CDH13: variants seen among roughly 807,000 people sequenced by gnomAD.
CDH13 encodes cadherin-13.
Under a neutral mutation model 63.8 loss-of-function variants are expected in CDH13, and 24 were observed. The observed-to-expected ratio is 0.38, with a 90% confidence interval of 0.27 to 0.53. The LOEUF is 0.53. Ranked by LOEUF, CDH13 falls within the 20% of genes least tolerant of loss-of-function variation. The pLI is 0.85. For missense variants in CDH13, 1,049 were observed against 903.1 expected (o/e 1.16, Z -2.07); for synonymous variants, 503 against 355.3 (o/e 1.42, Z -4.67).
At chr16:82,751,480 C>G (rs1280534619) in intron 1 of CDH13, among the ~76,000 whole-genome samples, 8 of 152,066 alleles carry the variant, frequency 5.3e-5, no homozygotes, top group Non-Finnish European at 1.0e-4. Flanking sequence ...ACACACTGAC[C>G]TCCTACTACA....
intron 13 of CDH13, among the ~76,000 whole-genome samples, chr16:83,791,493 C>G (rs1916261112): frequency 6.6e-6 from 1 of 151,516 alleles, no homozygotes; most frequent in Non-Finnish European, 1.5e-5. Context: ...GAGAATCCAT[C>G]TCAAAAAAAT....
intron 2 of CDH13, among the ~76,000 whole-genome samples, chr16:82,979,672 C>T (rs1364982467): frequency 6.6e-6 from 1 of 152,176 alleles, no homozygotes; most frequent in Admixed American, 6.5e-5. Context: ...TCAATTAAAC[C>T]TCTTTCCTTT....
At chr16:82,987,846 C>A (rs1416238205) in intron 2 of CDH13, among the ~76,000 whole-genome samples, 1 of 152,208 alleles carries the variant, frequency 6.6e-6, no homozygotes, top group African/African-American at 2.4e-5. Flanking sequence ...GTTGCCCCAT[C>A]TCTTGCTTTG....
chr16:83,185,434 T>TA (rs1025190013), intron 4 of CDH13, among the ~76,000 whole-genome samples: 1 of 152,086 alleles, frequency 6.6e-6, no homozygotes, highest in Admixed American at 6.6e-5. Context: ...AACAGATCTT[T>TA]AAAAAAAATT....
At chr16:83,329,229 T>C (rs1389601636) in intron 5 of CDH13, among the ~76,000 whole-genome samples, 3 of 152,096 alleles carry the variant, frequency 2.0e-5, no homozygotes, top group Non-Finnish European at 4.4e-5. Flanking sequence ...TCTTGTTTTG[T>C]TTTGTTTTGT....
chr16:82,893,338 T>G (rs2041146747), intron 2 of CDH13, among the ~76,000 whole-genome samples: 1 of 151,414 alleles, frequency 6.6e-6, no homozygotes, highest in South Asian at 2.1e-4. Flanking sequence ...TAATATGGCC[T>G]AAGCCATAGC....
chr16:83,387,175 G>T (rs1270072498), intron 6 of CDH13, among the ~76,000 whole-genome samples: 9 of 152,292 alleles, frequency 5.9e-5, no homozygotes, highest in African/African-American at 2.2e-4. Context: ...AATAGTATAT[G>T]TGAGAAGGAG....
chr16:83,160,181 A>T (rs1567461007), intron 4 of CDH13, among the ~76,000 whole-genome samples: 1 of 152,170 alleles, frequency 6.6e-6, no homozygotes, highest in East Asian at 1.9e-4. Flanking sequence ...TACATTTTAA[A>T]CATGTTTGGG....
intron 7 of CDH13, among the ~76,000 whole-genome samples, chr16:83,545,864 C>G (rs1313540543): frequency 2.0e-5 from 3 of 152,154 alleles, no homozygotes; most frequent in African/African-American, 7.2e-5. Context: ...TGATGGCTCC[C>G]TTTCTTTGAG....
rs2090786864 is a variant in CDH13 at position 83,344,169 on chromosome 16, G to C, written c.637-693G>C. 2.6e-5 allele frequency among the ~76,000 whole-genome samples: 4 copies of C among 152,198 alleles called. No homozygotes were observed. The South Asian group carries it at 8.3e-4, about 32-fold the overall frequency. On this transcript the variant is annotated intron_variant, in intron 5 of 13. Transcript: ENST00000567109. ...TTACGCACAGAAAATGTGCGCATAA[G>C]GTCCCCGTGATTCACTGGAAATGCC... is the stretch of plus-strand genomic sequence containing the variant.
Position 83,354,833 on chromosome 16 carries a change from C to T in CDH13, c.781+9827C>T, listed in dbSNP as rs903715020. 2.6e-5 allele frequency among the ~76,000 whole-genome samples: 4 copies of T among 152,360 alleles called. No homozygotes were observed. In the South Asian group the frequency reaches 8.3e-4, roughly 32 times the overall value. On this transcript the variant is annotated intron_variant, in intron 6 of 13. Coordinates refer to ENST00000567109, the MANE Select transcript of CDH13 (RefSeq NM_001257.5). ...TATGGGCCATGGGCCAAATGTGTCT[C>T]TCTGCCTGTTGTTTTTTAAATAAAG...
intron 1 of CDH13, among the ~76,000 whole-genome samples, chr16:82,802,395 G>T (rs914415721): frequency 6.6e-6 from 1 of 152,110 alleles, no homozygotes; most frequent in Non-Finnish European, 1.5e-5. Flanking sequence ...TTTCTGCTTC[G>T]CCTGGCAAAA....
At chr16:83,013,096 C>T (rs1914326008) in intron 2 of CDH13, among the ~76,000 whole-genome samples, 1 of 152,118 alleles carries the variant, frequency 6.6e-6, no homozygotes, top group African/African-American at 2.4e-5. Flanking sequence ...ATGACCTTGG[C>T]CTACAGCAGT....
intron 5 of CDH13, among the ~76,000 whole-genome samples, chr16:83,279,911 C>T (rs898235919): frequency 3.4e-4 from 52 of 151,658 alleles, no homozygotes; most frequent in Admixed American, 4.6e-4. Flanking sequence ...AGTAAGTATG[C>T]AATAGTTTCA....
chr16:83,197,592 C>G (rs973915297), intron 4 of CDH13, among the ~76,000 whole-genome samples: 12 of 152,078 alleles, frequency 7.9e-5, no homozygotes, highest in Non-Finnish European at 1.5e-4. Flanking sequence ...AGATCAGTGG[C>G]TGCCAGAATG....
chr16:83,367,773 A>G (rs533897034), intron 6 of CDH13, among the ~76,000 whole-genome samples: 4 of 152,252 alleles, frequency 2.6e-5, no homozygotes, highest in African/African-American at 7.2e-5. Flanking sequence ...TTGTATTTCC[A>G]TATAAATTTT....
chr16:83,208,122 T>C (rs4271581), intron 4 of CDH13, among the ~76,000 whole-genome samples: 151,480 of 152,282 alleles, frequency 0.99, 75,347 homozygotes, highest in Middle Eastern at 1. Flanking sequence ...GCGTGAGCAC[T>C]GCTGATTGAT....
intron 8 of CDH13, 34 bp downstream of exon 8, chr16:83,602,628 T>C: frequency 6.2e-7 from 1 of 1,611,184 alleles, no homozygotes; most frequent in Non-Finnish European, 8.5e-7. Flanking sequence ...ACCACCACTG[T>C]GGTCACAGCT....
At chr16:83,441,980 T>G (rs2072492315) in intron 6 of CDH13, among the ~76,000 whole-genome samples, 1 of 151,754 alleles carries the variant, frequency 6.6e-6, no homozygotes, top group South Asian at 2.1e-4. Flanking sequence ...ATTGAGAGGG[T>G]TTGAATGATT....
Sources: allele counts gnomAD v4.1 joint callset (sites outside exome capture counted in the v4.1 genomes callset), GRCh38; gene constraint gnomAD v4.1.1; transcripts MANE v1.5; gene names NCBI Gene and HGNC (gene_info 2026-07-23, HGNC 2026-07-21).